The following ELAPOR2 variants were observed in gnomAD, a reference collection of about 807,000 sequenced individuals.
The protein encoded by ELAPOR2 is endosome-lysosome associated apoptosis and autophagy regulator family member 2.
A neutral mutation model predicts 120.7 loss-of-function variants in ELAPOR2; 89 were observed. The observed-to-expected ratio is 0.74, with a 90% CI of 0.62 to 0.88. The LOEUF is 0.88. Among genes scored for constraint, ELAPOR2 ranks in the 40% least tolerant of loss-of-function variants. The pLI is 0.00. For missense variants in ELAPOR2, 1,134 were observed against 1,251.6 expected (o/e 0.91, Z 1.42); for synonymous variants, 444 against 444.9 (o/e 1.00, Z 0.03).
intron 1 of ELAPOR2, among the ~76,000 whole-genome samples, chr7:86,977,548 T>C (rs1286061632): frequency 6.6e-6 from 1 of 152,166 alleles, no homozygotes; most frequent in Non-Finnish European, 1.5e-5. Context: ...AACACCACCC[T>C]GTCTCCTGAG....
At chr7:86,922,220 C>G (rs1325867017) in intron 10 of ELAPOR2, among the ~76,000 whole-genome samples, 1 of 151,948 alleles carries the variant, frequency 6.6e-6, no homozygotes, top group Non-Finnish European at 1.5e-5. Context: ...TAACACCTAA[C>G]AGCTATTATA....
chr7:86,993,243 A>AAAAAAAAAG (rs1554402321), intron 1 of ELAPOR2, among the ~76,000 whole-genome samples: 1 of 150,046 alleles, frequency 6.7e-6, no homozygotes, highest in Non-Finnish European at 1.5e-5. Context: ...TCAAAAAAAA[A>AAAAAAAAAG]AAAAAAAGAA....
In ELAPOR2 at chr7:87,059,401, G is replaced by A; in HGVS notation, c.113C>T (p.Ala38Val). The change falls in exon 1 of 22, where the codon GCG becomes GTG. Residue 38 changes from alanine to valine, a missense_variant. Physicochemically the swap from Ala to Val is moderately conservative, Grantham distance 64 (BLOSUM62 0). Coordinates refer to ENST00000450689, the MANE Select transcript of ELAPOR2 (RefSeq NM_001142749.3). The stretch of plus-strand genomic sequence containing the variant: ...CCAGGCCGCCTGGCAGCCGGCGAGC[G>A]CCCAGCAGCAAATCCAGGCGGGGCT... ...PWSPAWICCW[A>V]LAGCQAAWAG... 3 of 1,242,254 alleles carry A rather than the reference G, an allele frequency of 2.4e-6. No homozygotes were observed. In the South Asian group the frequency reaches 1.2e-4, roughly 51 times the overall value. 77.0% of individuals were successfully genotyped at this position (1,242,254 alleles called of 1,614,324 possible).
In ELAPOR2 at chr7:86,914,814, G is replaced by T; in HGVS notation, c.1640C>A (p.Thr547Asn). 1 of 1,611,622 alleles carries T rather than the reference G, an allele frequency of 6.2e-7. No homozygotes were observed. The highest frequency in any genetic ancestry group is 8.5e-7 in the Non-Finnish European group (1 of 1,178,674). The change falls in exon 13 of 22, where the codon ACC becomes AAC. Residue 547 changes from threonine to asparagine, a missense_variant. Coordinates refer to ENST00000450689, the MANE Select transcript of ELAPOR2 (RefSeq NM_001142749.3). ...ATGGGTGTAAGCTTGTTTTTCTTTG[G>T]TTCCACCCCACGATTCTACCACATT... The part of the protein sequence containing the change: ...STNVVESWGG[T>N]KEKQAYTHII...
intron 2 of ELAPOR2, among the ~76,000 whole-genome samples, chr7:86,949,990 G>A (rs1340127960): frequency 6.6e-6 from 1 of 150,834 alleles, no homozygotes; most frequent in Non-Finnish European, 1.5e-5. Context: ...GCCAGAATGG[G>A]AACTTGTGGT....
intron 1 of ELAPOR2, among the ~76,000 whole-genome samples, chr7:86,979,164 G>C (rs1464367788): frequency 6.6e-6 from 1 of 152,138 alleles, no homozygotes; most frequent in African/African-American, 2.4e-5. Flanking sequence ...GCAGCAAAGA[G>C]ACCAAAAGTT....
At chr7:87,056,703 CA>C (rs1236305061) in intron 1 of ELAPOR2, among the ~76,000 whole-genome samples, 1 of 152,138 alleles carries the variant, frequency 6.6e-6, no homozygotes, top group Non-Finnish European at 1.5e-5. Flanking sequence ...AACTTTTACC[CA>C]TAACCTAGTT....
At chr7:86,908,150 T>TACACACACACAC (rs144805388) in intron 17 of ELAPOR2, among the ~76,000 whole-genome samples, 2 of 144,266 alleles carry the variant, frequency 1.4e-5, no homozygotes, top group Admixed American at 1.4e-4. Context: ...TGTAAGTGAA[T>TACACACACACAC]ACACACACAC....
At chr7:87,022,447 A>G (rs1794081064) in intron 1 of ELAPOR2, among the ~76,000 whole-genome samples, 1 of 152,056 alleles carries the variant, frequency 6.6e-6, no homozygotes, top group African/African-American at 2.4e-5. Flanking sequence ...TCCATGGTGT[A>G]TATGTGCCAC....
rs1255710289 is a variant in ELAPOR2, at chr7:86,878,506, C to G, written c.*1965G>C. 6.6e-6 allele frequency: 1 copy of G among 152,138 alleles called. No homozygotes were observed. The highest frequency in any genetic ancestry group is 2.4e-5 in the African/African-American group (1 of 41,432). The allele number at this position is 152,138 out of a possible 1,614,324, so 9.4% of individuals were successfully genotyped here. A position where few individuals can be genotyped will look rare whatever the true frequency, so the allele number is the denominator to read the frequency against. ...AGTGACAGGAGAAGAAAGAAGCTACCTGGGAGAAAATCCCAATTATCTCTA... is the reference window on the plus strand; with the variant it reads ...AGTGACAGGAGAAGAAAGAAGCTACGTGGGAGAAAATCCCAATTATCTCTA... On this transcript the variant is annotated 3_prime_UTR_variant, in exon 22 of 22. Coordinates refer to ENST00000450689, the MANE Select transcript of ELAPOR2 (RefSeq NM_001142749.3).
At chr7:86,908,150 T>TACACACAC (rs144805388) in intron 17 of ELAPOR2, among the ~76,000 whole-genome samples, 11 of 144,358 alleles carry the variant, frequency 7.6e-5, no homozygotes, top group South Asian at 6.8e-4. Context: ...TGTAAGTGAA[T>TACACACAC]ACACACACAC....
At chr7:86,969,280 G>A (rs1792024325) in intron 1 of ELAPOR2, among the ~76,000 whole-genome samples, 1 of 152,028 alleles carries the variant, frequency 6.6e-6, no homozygotes, top group Non-Finnish European at 1.5e-5. Flanking sequence ...TACAAAAGCT[G>A]CATGGTGCTC....
intron 2 of ELAPOR2, among the ~76,000 whole-genome samples, chr7:86,958,879 T>C (rs1299283261): frequency 6.6e-6 from 1 of 152,174 alleles, no homozygotes; most frequent in East Asian, 1.9e-4. Flanking sequence ...ATTCTTGAGG[T>C]TTTAATAGAG....
intron 1 of ELAPOR2, among the ~76,000 whole-genome samples, chr7:87,051,643 T>C (rs1196635132): frequency 6.6e-6 from 1 of 152,192 alleles, no homozygotes; most frequent in Non-Finnish European, 1.5e-5. Context: ...CATAAACCAG[T>C]GGCAGGGCTC....
At chr7:87,021,816 C>A (rs1584003263) in intron 1 of ELAPOR2, among the ~76,000 whole-genome samples, 1 of 152,138 alleles carries the variant, frequency 6.6e-6, no homozygotes, top group East Asian at 1.9e-4. Flanking sequence ...CTAACTTACA[C>A]CTTCAACAGA....
At position 86,903,257 on chromosome 7, in the gene ELAPOR2, C is replaced by G. The variant is rs1788804547; in HGVS notation, c.2558+4413G>C. ...TCTGAAGTATATAATTTTAGCAATT[C>G]TGTTTTAGTTTTTTCATTTCTTGAT... is the stretch of plus-strand genomic sequence containing the variant. On this transcript the variant is annotated intron_variant, in intron 18 of 21. Coordinates refer to ENST00000450689, the MANE Select transcript of ELAPOR2 (RefSeq NM_001142749.3). 3.3e-5 allele frequency among the ~76,000 whole-genome samples: 5 copies of G among 152,180 alleles called. No homozygotes were observed. In the South Asian group the frequency reaches 1.0e-3, roughly 32 times the overall value.
intron 1 of ELAPOR2, among the ~76,000 whole-genome samples, chr7:87,011,608 C>G (rs561485440): frequency 1.3e-4 from 20 of 152,326 alleles, no homozygotes; most frequent in African/African-American, 4.3e-4. Context: ...ATAAAAAATA[C>G]AGCCTTGTTT....
At chr7:86,982,378 G>A (rs554369712) in intron 1 of ELAPOR2, among the ~76,000 whole-genome samples, 110 of 152,356 alleles carry the variant, frequency 7.2e-4, no homozygotes, top group Non-Finnish European at 1.2e-3. Context: ...CCTGACCTCC[G>A]TGTAGCCTTA....
chr7:87,000,863 C>T (rs1358771394), intron 1 of ELAPOR2, among the ~76,000 whole-genome samples: 2 of 152,116 alleles, frequency 1.3e-5, no homozygotes, highest in African/African-American at 4.8e-5. Flanking sequence ...GGTAACAGAA[C>T]AGAATGAGAC....
Sources: gnomAD v4.1 joint callset for allele counts (sites outside exome capture counted in the v4.1 genomes callset) on GRCh38, gnomAD v4.1.1 for gene constraint, MANE v1.5 for transcripts, NCBI Gene and HGNC (gene_info 2026-07-23, HGNC 2026-07-21) for gene names.